Variants in PKD1L3 observed in about 807,000 individuals in gnomAD.
PKD1L3 encodes the protein polycystin-1-like protein 3.
A neutral mutation model predicts 184.1 loss-of-function variants in PKD1L3; 239 were observed. The ratio of observed to expected loss-of-function variants is 1.30; its 90% CI spans 1.17 to 1.45. The LOEUF is 1.45. Ranked by LOEUF, PKD1L3 falls within the 40% of genes most tolerant of loss-of-function variation. The pLI is 0.00. For synonymous variants in PKD1L3, 996 were observed against 778.8 expected, an observed-to-expected ratio of 1.28 and a Z score of -4.64; for missense variants, 2,660 against 2,067.2, an observed-to-expected ratio of 1.29 and a Z score of -5.56.
intron 9 of PKD1L3, among the ~76,000 whole-genome samples, 159 bp from the exon 10 acceptor site, chr16:71,978,542 C>T (rs1288090160): frequency 5.5e-4 from 32 of 57,810 alleles, no homozygotes; most frequent in Middle Eastern, 7.9e-3. Context: ...TACATACATA[C>T]TTTTTTTTTT....
chr16:71,977,351 GCTCA>G lies in PKD1L3; in HGVS notation c.1640_1643del (p.Val547AlafsTer2), dbSNP rs1469614095. On this transcript the variant is annotated frameshift_variant, in exon 11 of 30. Coordinates refer to ENST00000620267, the MANE Select transcript of PKD1L3 (RefSeq NM_181536.2). LOFTEE classifies it high-confidence loss of function. ...TTAAAAGGGGACTGTCAGGATCTAT[GCTCA>G]CTATCAAGGATTTCTCCAAGGAAGT... The G allele has an allele frequency of 3.0e-5, 47 of 1,548,370 alleles. No homozygotes were observed. The highest frequency in any genetic ancestry group is 3.7e-5 in the Non-Finnish European group (42 of 1,144,112).
intron 3 of PKD1L3, 58 bp downstream of exon 3, chr16:71,993,158 C>A: frequency 8.1e-7 from 1 of 1,239,008 alleles, no homozygotes; most frequent in South Asian, 1.4e-5. Context: ...CTTGTGCATT[C>A]TTTTAGCAGA....
chr16:71,975,205 G>A (rs908713104), intron 11 of PKD1L3, among the ~76,000 whole-genome samples: 2 of 147,090 alleles, frequency 1.4e-5, no homozygotes, highest in African/African-American at 2.5e-5. Flanking sequence ...ACAGGTGCAC[G>A]CCACCACGCT....
intron 16 of PKD1L3, among the ~76,000 whole-genome samples, chr16:71,960,431 A>G (rs1252354869): frequency 6.6e-6 from 1 of 152,182 alleles, no homozygotes; most frequent in Non-Finnish European, 1.5e-5. Flanking sequence ...GAAAGTAAAA[A>G]GATAAGAACA....
Position 71,979,856 on chromosome 16 carries a change from A to C in PKD1L3, c.1328T>G (p.Val443Gly). The C allele has an allele frequency of 6.5e-7, 1 of 1,530,594 alleles. No homozygotes were observed. Among genetic ancestry groups the C allele is most frequent in the Non-Finnish European group, 8.8e-7 (1 of 1,142,290 alleles). The allele number at this position is 1,530,594 out of a possible 1,614,324, so 94.8% of individuals were successfully genotyped here. A position where few individuals can be genotyped will look rare whatever the true frequency, so the allele number is the denominator to read the frequency against. Residue 443 changes from valine (V) to glycine (G), a missense_variant, in exon 9 of 30, where the codon GTG becomes GGG. Val to Gly is a moderately radical substitution (Grantham distance 109). Transcript: ENST00000620267. ...SSYTLGHPAP[V>G]RLGFPSALAL... is the part of the protein sequence containing the mutation. The stretch of plus-strand genomic sequence containing the variant: ...TAAAGCCGACGGAAAGCCTAGCCTC[A>C]CAGGGGCTGGGTGACCCAGAGTGTA...
chr16:71,933,392 C>T, intron 28 of PKD1L3, 28 bp downstream of exon 28: 1 of 1,481,742 alleles, frequency 6.7e-7, no homozygotes, highest in Non-Finnish European at 9.2e-7. Flanking sequence ...ATATTGAATT[C>T]TGTGAGGAAA....
intron 16 of PKD1L3, among the ~76,000 whole-genome samples, chr16:71,955,030 G>T (rs1468222885): frequency 6.6e-6 from 1 of 150,886 alleles, no homozygotes. Flanking sequence ...CACATTTATA[G>T]TAAGGAGGTG....
chr16:71,953,878 T>C (rs1409495220), intron 17 of PKD1L3, among the ~76,000 whole-genome samples: 1 of 152,172 alleles, frequency 6.6e-6, no homozygotes, highest in Non-Finnish European at 1.5e-5. Context: ...ATGATTCTGT[T>C]TCTTTCTAAT....
chr16:71,996,247 C>G (rs2040778422), intron 2 of PKD1L3, among the ~76,000 whole-genome samples: 1 of 141,892 alleles, frequency 7.0e-6, no homozygotes, highest in African/African-American at 2.6e-5. Flanking sequence ...GACCCACCTC[C>G]CCCGCCTTTT....
chr16:71,935,757 G>A (rs934118994), intron 25 of PKD1L3, among the ~76,000 whole-genome samples: 1 of 152,120 alleles, frequency 6.6e-6, no homozygotes, highest in African/African-American at 2.4e-5. Context: ...CTTTTTCTTG[G>A]AGATCATAAA....
chr16:71,950,429 G>C, intron 19 of PKD1L3, 119 bp from the exon 20 acceptor site: 1 of 867,548 alleles, frequency 1.2e-6, no homozygotes, highest in Non-Finnish European at 1.7e-6. Flanking sequence ...TACTAGCAGA[G>C]ATTGGACCGT....
At chr16:71,966,447 C>T (rs1028478976) in intron 15 of PKD1L3, among the ~76,000 whole-genome samples, 17 of 150,322 alleles carry the variant, frequency 1.1e-4, no homozygotes, top group African/African-American at 2.9e-4. Flanking sequence ...TCCTTCCCTC[C>T]GAGACAGGGT....
intron 15 of PKD1L3, among the ~76,000 whole-genome samples, chr16:71,964,592 G>A (rs2039425386): frequency 6.6e-6 from 1 of 151,552 alleles, no homozygotes; most frequent in South Asian, 2.1e-4. Flanking sequence ...GCCCGCCCTG[G>A]CCTCCCAAAG....
At chr16:71,942,506 T>C (rs1447358573) in intron 24 of PKD1L3, 54 bp downstream of exon 24, 5 of 1,432,628 alleles carry the variant, frequency 3.5e-6, no homozygotes, top group Non-Finnish European at 3.8e-6. Context: ...TTTGCACTTA[T>C]TGAACAGCCT....
intron 11 of PKD1L3, among the ~76,000 whole-genome samples, chr16:71,975,555 A>G (rs2039887310): frequency 6.6e-6 from 1 of 152,174 alleles, no homozygotes; most frequent in Non-Finnish European, 1.5e-5. Context: ...TGTGAAGTAT[A>G]TTTAACTCAT....
chr16:71,961,309 G>C (rs1356741668), intron 16 of PKD1L3, among the ~76,000 whole-genome samples: 3 of 152,074 alleles, frequency 2.0e-5, no homozygotes, highest in Admixed American at 6.6e-5. Context: ...TTTTGGTAGA[G>C]AAGGGGTTTT....
At chr16:71,935,619 A>C in intron 25 of PKD1L3, 101 bp from the exon 26 acceptor site, 1 of 1,106,016 alleles carries the variant, frequency 9.0e-7, no homozygotes, top group Non-Finnish European at 1.3e-6. Flanking sequence ...TGGGCAAAGC[A>C]CACTGCCAGG....
chr16:71,978,222 C>G, intron 10 of PKD1L3, 33 bp downstream of exon 10: 9 of 1,537,164 alleles, frequency 5.9e-6, no homozygotes, highest in Non-Finnish European at 7.0e-6. Context: ...ATCCCATTCT[C>G]TTCTATTTTA....
At chr16:71,957,661 G>C (rs1355242147) in intron 16 of PKD1L3, among the ~76,000 whole-genome samples, 1 of 152,104 alleles carries the variant, frequency 6.6e-6, no homozygotes, top group Non-Finnish European at 1.5e-5. Flanking sequence ...GCAAGGCATG[G>C]TGGCACATGC....
Sources: allele counts gnomAD v4.1 joint callset (sites outside exome capture counted in the v4.1 genomes callset), GRCh38; gene constraint gnomAD v4.1.1; transcripts MANE v1.5; gene names NCBI Gene and HGNC (gene_info 2026-07-23, HGNC 2026-07-21).